Variants in ADARB2 observed in about 807,000 individuals in gnomAD.
ADARB2 encodes the protein inactive double-stranded RNA-specific editase B2.
A neutral mutation model predicts 62.2 loss-of-function variants in ADARB2; 25 were observed. The observed-to-expected ratio is 0.40, with a 90% confidence interval of 0.29 to 0.56. The LOEUF (loss-of-function observed/expected upper bound fraction) is 0.56. ADARB2 is among the 20% of genes least tolerant of loss of function. The pLI is 0.43. For missense variants in ADARB2, 1,071 were observed against 1,077.4 expected, an observed-to-expected ratio of 0.99 and a Z score of 0.08; for synonymous variants, 572 against 500.8, an observed-to-expected ratio of 1.14 and a Z score of -1.90.
chr10:1,523,031 G>A (rs1279103998), intron 1 of ADARB2, among the ~76,000 whole-genome samples: 1 of 152,194 alleles, frequency 6.6e-6, no homozygotes, highest in Admixed American at 6.5e-5. Context: ...GCAGACAGAT[G>A]TGAGTCCGCT....
chr10:1,459,224 G>T (rs6560735), intron 1 of ADARB2, among the ~76,000 whole-genome samples: 101,973 of 152,072 alleles, frequency 0.67, 34,921 homozygotes, highest in Non-Finnish European at 0.75. Flanking sequence ...ACGTACGCAC[G>T]TGTATGTTCA....
chr10:1,299,214 C>A (rs187803871), intron 3 of ADARB2, among the ~76,000 whole-genome samples: 1 of 151,894 alleles, frequency 6.6e-6, no homozygotes, highest in African/African-American at 2.4e-5. Flanking sequence ...ACGAAGGGGC[C>A]CCAGATGGGG....
chr10:1,548,555 T>G (rs1832561420), intron 1 of ADARB2, among the ~76,000 whole-genome samples: 1 of 152,220 alleles, frequency 6.6e-6, no homozygotes, highest in African/African-American at 2.4e-5. Flanking sequence ...GCAGCCAAGA[T>G]ACCCCAGAGG....
chr10:1,274,993 C>T (rs561867325), intron 3 of ADARB2, among the ~76,000 whole-genome samples: 7 of 152,300 alleles, frequency 4.6e-5, no homozygotes, highest in South Asian at 2.1e-4. Context: ...GAGGGGGGCC[C>T]GTGGTGGAGC....
At chr10:1,450,627 C>T (rs894059982) in intron 1 of ADARB2, among the ~76,000 whole-genome samples, 1 of 152,230 alleles carries the variant, frequency 6.6e-6, no homozygotes, top group Non-Finnish European at 1.5e-5. Flanking sequence ...TGAACAAGAA[C>T]AGGCTGCCTA....
chr10:1,693,385 C>T (rs1206393679), intron 1 of ADARB2, among the ~76,000 whole-genome samples: 1 of 152,200 alleles, frequency 6.6e-6, no homozygotes, highest in African/African-American at 2.4e-5. Context: ...GACTGCAAAA[C>T]AGGACCCCAA....
Position 1,244,518 on chromosome 10 carries a change from G to A in ADARB2, c.1193-2219C>T, listed in dbSNP as rs148050044. ...TTACCCCTCATTGATTCCCAGCTCCGTTTGGCTCCAGACTCTGCCACACTC... is the reference window on the plus strand; with the variant it reads ...TTACCCCTCATTGATTCCCAGCTCCATTTGGCTCCAGACTCTGCCACACTC... On this transcript the variant is annotated intron_variant, in intron 4 of 9. Transcript: ENST00000381312. Among the ~76,000 whole-genome samples the A allele has an allele frequency of 1.2e-4, 19 of 152,222 alleles. No homozygotes were observed. In the East Asian group the frequency reaches 3.1e-3, roughly 25 times the overall value.
chr10:1,252,276 TAGAG>T (rs1564236324), intron 4 of ADARB2, among the ~76,000 whole-genome samples: 1 of 152,206 alleles, frequency 6.6e-6, no homozygotes, highest in African/African-American at 2.4e-5. Context: ...ATAGAAGATA[TAGAG>T]AGAAAGGAAT....
chr10:1,627,125 C>G lies in ADARB2; in HGVS notation c.100+109926G>C, dbSNP rs1057483306. 2.0e-5 allele frequency among the ~76,000 whole-genome samples: 3 copies of G among 152,140 alleles called. No homozygotes were observed. In the East Asian group the frequency reaches 5.8e-4, roughly 29 times the overall value. ...CCCACTCGAACTGGAGCCGGGCCCT[C>G]GGGTGAATCGTTAGCTCCTCGAGCA... On this transcript the variant is annotated intron_variant, in intron 1 of 9. Coordinates refer to ENST00000381312, the MANE Select transcript of ADARB2 (RefSeq NM_018702.4).
intron 1 of ADARB2, among the ~76,000 whole-genome samples, chr10:1,531,824 G>A (rs943530779): frequency 7.3e-5 from 11 of 151,672 alleles, no homozygotes; most frequent in South Asian, 2.1e-4. Context: ...GTGACAGAGC[G>A]AGACTTCATC....
chr10:1,296,164 C>T (rs927864466), intron 3 of ADARB2, among the ~76,000 whole-genome samples: 2 of 152,226 alleles, frequency 1.3e-5, no homozygotes, highest in Non-Finnish European at 1.5e-5. Context: ...CTTATTGGGA[C>T]CCTCCAGTCC....
intron 4 of ADARB2, among the ~76,000 whole-genome samples, chr10:1,242,601 C>G (rs944886107): frequency 6.6e-6 from 1 of 152,222 alleles, no homozygotes; most frequent in African/African-American, 2.4e-5. Flanking sequence ...GTCAAACTTA[C>G]TACCAGGACA....
intron 1 of ADARB2, among the ~76,000 whole-genome samples, chr10:1,547,033 C>T (rs1330481125): frequency 1.3e-5 from 2 of 152,218 alleles, no homozygotes; most frequent in African/African-American, 4.8e-5. Context: ...AGACAGAAGC[C>T]ATTCGTCGAG....
intron 1 of ADARB2, among the ~76,000 whole-genome samples, chr10:1,513,442 G>A (rs1328205040): frequency 2.0e-5 from 3 of 152,214 alleles, no homozygotes; most frequent in East Asian, 1.9e-4. Context: ...TGTGGCTAGC[G>A]ATGACGGCCG....
At chr10:1,228,198 C>T (rs1564227610) in intron 6 of ADARB2, among the ~76,000 whole-genome samples, 1 of 152,186 alleles carries the variant, frequency 6.6e-6, no homozygotes, top group South Asian at 2.1e-4. Context: ...AAATATATGA[C>T]ATCATCTATT....
intron 1 of ADARB2, among the ~76,000 whole-genome samples, chr10:1,726,813 A>G (rs1184649385): frequency 6.6e-6 from 1 of 152,036 alleles, no homozygotes; most frequent in Non-Finnish European, 1.5e-5. Context: ...GAGTGTGGGG[A>G]GGAGTGTGTG....
chr10:1,474,200 C>T (rs962590291), intron 1 of ADARB2, among the ~76,000 whole-genome samples: 1 of 152,224 alleles, frequency 6.6e-6, no homozygotes, highest in Non-Finnish European at 1.5e-5. Context: ...TAAAAGGCAT[C>T]TTCTCCATGG....
At chr10:1,338,135 C>T (rs963680011) in intron 3 of ADARB2, among the ~76,000 whole-genome samples, 3 of 152,248 alleles carry the variant, frequency 2.0e-5, no homozygotes, top group Admixed American at 2.0e-4. Flanking sequence ...GGAAGAACTA[C>T]ATTGCCCAAA....
intron 1 of ADARB2, among the ~76,000 whole-genome samples, chr10:1,462,602 T>A (rs1009859059): frequency 2.6e-5 from 4 of 151,968 alleles, no homozygotes; most frequent in African/African-American, 9.7e-5. Context: ...TGTATGTGCA[T>A]GTGTGTATGT....
Sources: gnomAD v4.1 joint callset for allele counts (sites outside exome capture counted in the v4.1 genomes callset) on GRCh38, gnomAD v4.1.1 for gene constraint, MANE v1.5 for transcripts, NCBI Gene and HGNC (gene_info 2026-07-23, HGNC 2026-07-21) for gene names.